The following SRGAP3 variants were observed in gnomAD, a reference collection of about 807,000 sequenced individuals.
SRGAP3 encodes the protein SLIT-ROBO Rho GTPase-activating protein 3.
A neutral mutation model predicts 121.1 loss-of-function variants in SRGAP3; 39 were observed. The observed-to-expected ratio is 0.32, with a 90% CI of 0.25 to 0.42. The LOEUF is 0.42. Ranked by LOEUF, SRGAP3 falls within the 10% of genes least tolerant of loss-of-function variation. The probability of loss-of-function intolerance (pLI) is 1.00; values close to 1 mark genes in which losing one functional copy is unlikely to be tolerated. For synonymous variants in SRGAP3, 601 were observed against 570.0 expected (o/e 1.05, Z -0.77); for missense variants, 1,213 against 1,470.6 (o/e 0.82, Z 2.86).
chr3:9,071,940 A>C (rs1033258524), intron 4 of SRGAP3, among the ~76,000 whole-genome samples: 1 of 152,214 alleles, frequency 6.6e-6, no homozygotes, highest in East Asian at 1.9e-4. Flanking sequence ...GAGACAGACA[A>C]ATCAGTGTGT....
At chr3:9,224,041 C>T (rs1330360717) in intron 1 of SRGAP3, among the ~76,000 whole-genome samples, 1 of 152,156 alleles carries the variant, frequency 6.6e-6, no homozygotes, top group African/African-American at 2.4e-5. Context: ...TGAAGGAAAA[C>T]AGACGCCCCT....
chr3:9,198,401 T>C (rs1370044052), intron 1 of SRGAP3, among the ~76,000 whole-genome samples: 1 of 152,230 alleles, frequency 6.6e-6, no homozygotes, highest in African/African-American at 2.4e-5. Flanking sequence ...TGAGGAAGAC[T>C]GGGGTAATAA....
At chr3:9,215,997 T>C (rs1154397) in intron 1 of SRGAP3, among the ~76,000 whole-genome samples, 28,211 of 152,072 alleles carry the variant, frequency 0.19, 2,746 homozygotes, top group East Asian at 0.33. Flanking sequence ...CTCAGACAGA[T>C]AGACACACAG....
intron 3 of SRGAP3, among the ~76,000 whole-genome samples, chr3:9,279,658 T>C (rs1954643386): frequency 6.6e-6 from 1 of 151,700 alleles, no homozygotes. Flanking sequence ...GGATTACAGG[T>C]GCCCACCACC....
At chr3:9,295,941 G>T (rs1392793571) in intron 3 of SRGAP3, among the ~76,000 whole-genome samples, 1 of 152,116 alleles carries the variant, frequency 6.6e-6, no homozygotes, top group African/African-American at 2.4e-5. Context: ...ATGTCTTCAA[G>T]GTTCATCCAA....
chr3:9,240,121 AC>A (rs1251005171), intron 1 of SRGAP3, among the ~76,000 whole-genome samples: 1 of 152,112 alleles, frequency 6.6e-6, no homozygotes, highest in Non-Finnish European at 1.5e-5. Context: ...GCACACAACT[AC>A]TTTTTTTTCA....
chr3:9,053,866 C>T (rs567376566), intron 8 of SRGAP3, among the ~76,000 whole-genome samples: 8 of 152,340 alleles, frequency 5.3e-5, no homozygotes, highest in Middle Eastern at 3.4e-3. Flanking sequence ...CTTACAACAC[C>T]CCTTTGCTGA....
intron 9 of SRGAP3, among the ~76,000 whole-genome samples, chr3:9,049,778 T>G (rs1429474969): frequency 1.3e-3 from 5 of 3,894 alleles, no homozygotes; most frequent in Non-Finnish European, 2.4e-3. Flanking sequence ...GAGAACCTAC[T>G]TTTTTTTTTT....
At chr3:9,013,624 C>A in intron 16 of SRGAP3, 89 bp from the exon 17 acceptor site, 2 of 1,557,438 alleles carry the variant, frequency 1.3e-6, no homozygotes, top group Non-Finnish European at 1.8e-6. Flanking sequence ...TATTCAAATC[C>A]AGGAGGGTTC....
chr3:9,274,592 C>T (rs944418079), intron 3 of SRGAP3, among the ~76,000 whole-genome samples: 6 of 152,120 alleles, frequency 3.9e-5, no homozygotes, highest in African/African-American at 1.4e-4. Context: ...GTTAACAGCT[C>T]GGTGGAGGGT....
At chr3:9,199,653 C>T (rs1414767954) in intron 1 of SRGAP3, among the ~76,000 whole-genome samples, 1 of 152,168 alleles carries the variant, frequency 6.6e-6, no homozygotes, top group Non-Finnish European at 1.5e-5. Flanking sequence ...TTTTCGAGAG[C>T]ATGGGATTTA....
At chr3:9,076,813 C>T (rs1266410146) in intron 4 of SRGAP3, among the ~76,000 whole-genome samples, 2 of 152,014 alleles carry the variant, frequency 1.3e-5, no homozygotes, top group East Asian at 3.9e-4. Flanking sequence ...GGGCTCTGGG[C>T]ACACTGTGGG....
At chr3:9,345,785 C>CAAAAAAAAAAAAAAA (rs34225108) in intron 1 of SRGAP3, among the ~76,000 whole-genome samples, 7 of 65,242 alleles carry the variant, frequency 1.1e-4, no homozygotes, top group East Asian at 4.1e-4. Context: ...GACTCCAACT[C>CAAAAAAAAAAAAAAA]AAAAAAAAAA....
rs1332352391 is a variant in SRGAP3 at position 8,982,009 on chromosome 3, G to C, written c.*3510C>G. ...ATTTTTCATAGAATCCCACAGCTCAGAGCAGCTCTTTAAGAGGAAAAGGGA... is the reference window on the plus strand; with the variant it reads ...ATTTTTCATAGAATCCCACAGCTCACAGCAGCTCTTTAAGAGGAAAAGGGA... On this transcript the variant is annotated 3_prime_UTR_variant, in exon 22 of 22. Transcript: ENST00000383836. 1 of 226,104 alleles carries C rather than the reference G, an allele frequency of 4.4e-6. No homozygotes were observed. The highest frequency in any genetic ancestry group is 8.8e-6 in the Non-Finnish European group (1 of 113,588). The allele number at this position is 226,104 out of a possible 1,614,324, so 14.0% of individuals were successfully genotyped here.
intron 11 of SRGAP3, among the ~76,000 whole-genome samples, chr3:9,033,247 C>G (rs1165986695): frequency 6.6e-6 from 1 of 152,212 alleles, no homozygotes; most frequent in African/African-American, 2.4e-5. Context: ...TTCAAATGCA[C>G]TTGACTGATC....
At position 9,053,650 on chromosome 3, in the gene SRGAP3, T is replaced by C. The variant is rs1945689023; in HGVS notation, c.1126-426A>G. ...CATTCAGAGAAGGATAGAGACAAAG[T>C]TGACAATGGTGGGCAGCCATTCTTC... On this transcript the variant is annotated intron_variant, in intron 8 of 21. Coordinates refer to ENST00000383836, the MANE Select transcript of SRGAP3 (RefSeq NM_014850.4). 1.3e-5 allele frequency among the ~76,000 whole-genome samples: 2 copies of C among 152,356 alleles called. 1 individual carries two copies. The highest frequency in any genetic ancestry group is 4.1e-4 in the South Asian group (2 of 4,832).
chr3:9,308,333 T>C (rs552080758), intron 3 of SRGAP3, among the ~76,000 whole-genome samples: 3 of 152,218 alleles, frequency 2.0e-5, no homozygotes, highest in Non-Finnish European at 2.9e-5. Context: ...TTAAAAAGCA[T>C]ATAACATTTA....
At chr3:9,253,941 AG>A (rs1270280669), upstream of SRGAP3, among the ~76,000 whole-genome samples, 1 of 152,200 alleles carries the variant, frequency 6.6e-6, no homozygotes, top group African/African-American at 2.4e-5. Context: ...TATAACCTCA[AG>A]TTATAAGGAT....
chr3:9,343,097 A>C (rs1955822421), intron 1 of SRGAP3, among the ~76,000 whole-genome samples: 1 of 152,094 alleles, frequency 6.6e-6, no homozygotes, highest in African/African-American at 2.4e-5. Context: ...TGCAAAATTA[A>C]ATTTATTGTC....
Sources: gnomAD v4.1 joint callset for allele counts (sites outside exome capture counted in the v4.1 genomes callset) on GRCh38, gnomAD v4.1.1 for gene constraint, MANE v1.5 for transcripts, NCBI Gene and HGNC (gene_info 2026-07-23, HGNC 2026-07-21) for gene names.